The following CELSR1 variants were observed in gnomAD, a reference collection of about 807,000 sequenced individuals.
CELSR1 encodes the protein cadherin EGF LAG seven-pass G-type receptor 1, also known as adhesion G protein-coupled receptor C1.
CELSR1 carries 110 observed loss-of-function variants against 249.1 expected under a neutral mutation model. The ratio of observed to expected loss-of-function variants is 0.44; its 90% CI spans 0.38 to 0.52. The LOEUF is 0.52. Ranked by LOEUF, CELSR1 falls within the 20% of genes least tolerant of loss-of-function variation. CELSR1 has a pLI of 0.00. For missense variants in CELSR1, 4,109 were observed against 4,296.4 expected, an observed-to-expected ratio of 0.96 and a Z score of 1.22; for synonymous variants, 2,113 against 1,900.0, an observed-to-expected ratio of 1.11 and a Z score of -2.92.
At chr22:46,378,864 G>T in intron 22 of CELSR1, 147 bp from the exon 23 acceptor site, 2 of 1,017,588 alleles carry the variant, frequency 2.0e-6, no homozygotes, top group Non-Finnish European at 2.8e-6. Context: ...AAAGCCCAGC[G>T]CCCTCGCAGG....
intron 2 of CELSR1, among the ~76,000 whole-genome samples, chr22:46,453,097 G>C (rs1275931518): frequency 6.6e-6 from 1 of 152,246 alleles, no homozygotes; most frequent in African/African-American, 2.4e-5. Flanking sequence ...GCCTCGGAGG[G>C]AGGCAGGTTG....
In CELSR1 at chr22:46,416,112, C is replaced by T. The variant is rs1430303816; in HGVS notation, c.4612-4353G>A. On this transcript the variant is annotated intron_variant, in intron 5 of 34. Transcript: ENST00000674500. ...GAATGGTACAGGTTGCAGAGGGGGG[C>T]GGATAAGGAATGAGACAGACGAACC... Among the ~76,000 whole-genome samples, 5 of 120,188 alleles carry T rather than the reference C, an allele frequency of 4.2e-5. 1 individual carries two copies. Among genetic ancestry groups the T allele is most frequent in the South Asian group, 2.3e-4 (1 of 4,300 alleles). 78.8% of individuals were successfully genotyped at this position (120,188 alleles called of 152,430 possible).
At chr22:46,364,372 G>A in intron 33 of CELSR1, 121 bp from the exon 34 acceptor site, 1 of 1,512,400 alleles carries the variant, frequency 6.6e-7, no homozygotes, top group East Asian at 2.3e-5. Context: ...CGGGTCCCAG[G>A]GCTAGGCCAG....
chr22:46,396,539 C>G lies in CELSR1; in HGVS notation c.5843+66G>C, dbSNP rs1174247106. 13 of 1,404,716 alleles carry G rather than the reference C, an allele frequency of 9.3e-6. No individual in the cohort carries two copies. In the South Asian group the frequency reaches 1.8e-4, roughly 20 times the overall value. The allele number at this position is 1,404,716 out of a possible 1,614,324, so 87.0% of individuals were successfully genotyped here. On this transcript the variant is annotated intron_variant, in intron 13 of 34. Coordinates refer to ENST00000674500, the MANE Select transcript of CELSR1 (RefSeq NM_001378328.1). The surrounding 1 kb of genome is among the most constrained non-coding windows in gnomAD (Gnocchi z 6.4). ...GGGTCAAAATAAGAAAGAGAAGACACTGAGTCGAGGGAACACAGCCACATG... is the reference window on the plus strand; with the variant it reads ...GGGTCAAAATAAGAAAGAGAAGACAGTGAGTCGAGGGAACACAGCCACATG...
intron 1 of CELSR1, among the ~76,000 whole-genome samples, chr22:46,514,509 G>C (rs370416356): frequency 5.3e-5 from 8 of 152,196 alleles, no homozygotes; most frequent in African/African-American, 1.9e-4. Context: ...TCCTGGTGAG[G>C]TGGGGAGTGG....
Position 46,394,223 on chromosome 22 carries a change from G to C in CELSR1, c.5883C>G (p.Pro1961=). 1 of 1,613,860 alleles carries C rather than the reference G, an allele frequency of 6.2e-7. No homozygotes were observed. ...LPCPRGWWGN[P]VCGPCHCAVS... is the part of the protein sequence containing the mutation. ...CGGCACAGTGGCAGGGTCCACAGAC[G>C]GGGTTCCCCCACCAGCCTCTGGGGC... Residue 1961 remains proline, a synonymous_variant, in exon 14 of 35, where the codon CCC becomes CCG. Coordinates refer to ENST00000674500, the MANE Select transcript of CELSR1 (RefSeq NM_001378328.1).
In CELSR1 at chr22:46,381,533, G is replaced by A. The variant is rs186496856; in HGVS notation, c.7088+313C>T. Reference sequence around the variant, plus strand: ...ACTACCCATGACAGCCTTGGGCCAGGTGTGTGGGGACAGAATGGGGTCCCT... The same window carrying A: ...ACTACCCATGACAGCCTTGGGCCAGATGTGTGGGGACAGAATGGGGTCCCT... On this transcript the variant is annotated intron_variant, in intron 21 of 34. Coordinates refer to ENST00000674500, the MANE Select transcript of CELSR1 (RefSeq NM_001378328.1). The surrounding 1 kb of genome is among the most constrained non-coding windows in gnomAD (Gnocchi z 6.0). 6.6e-6 allele frequency among the ~76,000 whole-genome samples: 1 copy of A among 152,346 alleles called. No homozygotes were observed. The highest frequency in any genetic ancestry group is 1.5e-5 in the Non-Finnish European group (1 of 68,032).
chr22:46,420,747 A>G (rs2079461506), intron 5 of CELSR1, among the ~76,000 whole-genome samples: 1 of 151,944 alleles, frequency 6.6e-6, no homozygotes, highest in South Asian at 2.1e-4. Flanking sequence ...CCCCTTCCTT[A>G]GTCCCCCTGC....
chr22:46,465,199 C>T (rs1271044116), intron 1 of CELSR1, among the ~76,000 whole-genome samples: 1 of 152,098 alleles, frequency 6.6e-6, no homozygotes, highest in Non-Finnish European at 1.5e-5. Flanking sequence ...GGGGCCCTCA[C>T]CTGCCACCTC....
In CELSR1 at chr22:46,409,665, G is replaced by A; in HGVS notation, c.5059+90C>T. ...ACCAGAGGCTGCCGGACCTGGATGT[G>A]AAGCCCCCTCACGGTGGTCCCGGGC... On this transcript the variant is annotated intron_variant, in intron 8 of 34. Transcript: ENST00000674500. This position sits in a 1 kb window ranked among gnomAD's most constrained non-coding sequence, Gnocchi z 9.8. The A allele has an allele frequency of 6.6e-7, 1 of 1,512,132 alleles. No homozygotes were observed. Among genetic ancestry groups the A allele is most frequent in the Non-Finnish European group, 9.1e-7 (1 of 1,104,754 alleles). 93.7% of individuals were successfully genotyped at this position (1,512,132 alleles called of 1,614,324 possible). A position where few individuals can be genotyped will look rare whatever the true frequency, so the allele number is the denominator to read the frequency against.
intron 5 of CELSR1, among the ~76,000 whole-genome samples, chr22:46,431,939 G>A (rs535358145): frequency 6.6e-6 from 1 of 152,286 alleles, no homozygotes; most frequent in East Asian, 1.9e-4. Context: ...GACATCCAAT[G>A]TGCGGCAGCC....
intron 9 of CELSR1, among the ~76,000 whole-genome samples, chr22:46,403,674 G>C (rs1156343448): frequency 6.6e-6 from 1 of 152,082 alleles, no homozygotes; most frequent in Non-Finnish European, 1.5e-5. Context: ...AGGGGCATGT[G>C]TACAAAACTG....
chr22:46,415,795 A>G (rs996649243), intron 5 of CELSR1, among the ~76,000 whole-genome samples: 1 of 152,124 alleles, frequency 6.6e-6, no homozygotes, highest in African/African-American at 2.4e-5. Flanking sequence ...GCAGTCAGAG[A>G]GGTGAACATT....
chr22:46,479,367 G>A (rs1362134750), intron 1 of CELSR1, among the ~76,000 whole-genome samples: 1 of 152,112 alleles, frequency 6.6e-6, no homozygotes, highest in Non-Finnish European at 1.5e-5. Context: ...GTGCAGAAAG[G>A]CTGCGGCAGC....
chr22:46,507,232 C>T (rs1056840685), intron 1 of CELSR1, among the ~76,000 whole-genome samples: 2 of 152,198 alleles, frequency 1.3e-5, no homozygotes, highest in Admixed American at 6.5e-5. Flanking sequence ...ATGGAGCCAC[C>T]GGGGCAGCAA....
intron 24 of CELSR1, 68 bp from the exon 25 acceptor site, chr22:46,373,125 A>T: frequency 1.5e-4 from 200 of 1,367,878 alleles, no homozygotes; most frequent in African/African-American, 2.4e-4. Context: ...GGCATGAGTG[A>T]GGGGTGGGGG....
In CELSR1 at chr22:46,488,990, G is replaced by A. The variant is rs1344834069; in HGVS notation, c.3545-24645C>T. Among the ~76,000 whole-genome samples, 1 of 151,996 alleles carries A rather than the reference G, an allele frequency of 6.6e-6. No homozygotes were observed. The highest frequency in any genetic ancestry group is 1.5e-5 in the Non-Finnish European group (1 of 68,014). ...TGCCCTTTTGAGCATGCAGCAGTTG[G>A]GGTCACCGTGGCAGTAAGGGACATG... On this transcript the variant is annotated intron_variant, in intron 1 of 34. Transcript: ENST00000674500. The surrounding 1 kb of genome is among the most constrained non-coding windows in gnomAD (Gnocchi z 4.7).
intron 18 of CELSR1, among the ~76,000 whole-genome samples, chr22:46,388,366 A>C (rs1406529578): frequency 6.6e-6 from 1 of 152,038 alleles, no homozygotes; most frequent in African/African-American, 2.4e-5. Context: ...AAAAGAAATA[A>C]AGAAAAAGAA....
At position 46,472,795 on chromosome 22, in the gene CELSR1, G is replaced by A. The variant is rs948617724; in HGVS notation, c.3545-8450C>T. Among the ~76,000 whole-genome samples the A allele has an allele frequency of 6.6e-6, 1 of 152,202 alleles. No homozygotes were observed. The highest frequency in any genetic ancestry group is 2.4e-5 in the African/African-American group (1 of 41,542). On this transcript the variant is annotated intron_variant, in intron 1 of 34. Coordinates refer to ENST00000674500, the MANE Select transcript of CELSR1 (RefSeq NM_001378328.1). This position sits in a 1 kb window ranked among gnomAD's most constrained non-coding sequence, Gnocchi z 7.0. ...GGGCCCCTTTCCCTGGGGGCTGGGG[G>A]TCCAGCAGTCCTTGGCGTTGCTTGG...
Sources: allele counts gnomAD v4.1 joint callset (sites outside exome capture counted in the v4.1 genomes callset), GRCh38; gene constraint gnomAD v4.1.1; non-coding constraint Gnocchi (gnomAD v3.1); transcripts MANE v1.5; gene names NCBI Gene and HGNC (gene_info 2026-07-23, HGNC 2026-07-21).